Variants in STXBP5L observed in about 807,000 individuals in gnomAD.
The protein encoded by STXBP5L is syntaxin-binding protein 5-like.
STXBP5L carries 65 observed loss-of-function variants against 144.5 expected under a neutral mutation model. The ratio of observed to expected loss-of-function variants is 0.45; its 90% confidence interval spans 0.37 to 0.55. The LOEUF (loss-of-function observed/expected upper bound fraction) is 0.55, where lower values mean the gene tolerates loss of function less well. Ranked by LOEUF, STXBP5L falls within the 20% of genes least tolerant of loss-of-function variation. STXBP5L has a pLI of 0.00. For synonymous variants in STXBP5L, 505 were observed against 469.6 expected (o/e 1.08, Z -0.97); for missense variants, 1,298 against 1,405.5 (o/e 0.92, Z 1.22).
chr3:121,048,264 C>A (rs781518447), intron 5 of STXBP5L, among the ~76,000 whole-genome samples: 3 of 152,120 alleles, frequency 2.0e-5, no homozygotes, highest in Non-Finnish European at 4.4e-5. Context: ...CCCCTTCTCT[C>A]CAGTTGCCTT....
chr3:120,999,355 G>A lies in STXBP5L; in HGVS notation c.288-42345G>A, dbSNP rs201943245. Among the ~76,000 whole-genome samples, 5 of 152,126 alleles carry A rather than the reference G, an allele frequency of 3.3e-5. No individual in the cohort carries two copies. In the East Asian group the frequency reaches 5.8e-4, roughly 18 times the overall value. Reference sequence around the variant, plus strand: ...CCTTCCTTGTTACTTTTGATGTTGTGGTTTAAAGTTTGTTTTATCTGAAAT... The same window carrying A: ...CCTTCCTTGTTACTTTTGATGTTGTAGTTTAAAGTTTGTTTTATCTGAAAT... On this transcript the variant is annotated intron_variant, in intron 3 of 26. Transcript: ENST00000471454.
At chr3:120,968,609 G>C (rs901290580) in intron 3 of STXBP5L, among the ~76,000 whole-genome samples, 4 of 151,990 alleles carry the variant, frequency 2.6e-5, no homozygotes, top group African/African-American at 7.2e-5. Context: ...GGTACAGATT[G>C]TTTCTGGTTA....
Position 121,032,329 on chromosome 3 carries a change from A to G in STXBP5L, c.288-9371A>G, listed in dbSNP as rs1235359674. ...AGAATGTATCATGAAGAAAGGTTTG[A>G]TTATAAAGTCAAATATTGCAATAGG... On this transcript the variant is annotated intron_variant, in intron 3 of 26. Transcript: ENST00000471454. Among the ~76,000 whole-genome samples the G allele has an allele frequency of 3.9e-5, 6 of 152,060 alleles. No homozygotes were observed. The East Asian group carries it at 1.2e-3, about 29-fold the overall frequency.
intron 5 of STXBP5L, among the ~76,000 whole-genome samples, chr3:121,093,235 T>G (rs9758982): frequency 0.23 from 35,396 of 152,148 alleles, 4,245 homozygotes; most frequent in Non-Finnish European, 0.26. Context: ...AAAATTCTCT[T>G]TTTTGGTTTT....
At chr3:121,092,329 G>T (rs1034575326) in intron 5 of STXBP5L, among the ~76,000 whole-genome samples, 6 of 152,012 alleles carry the variant, frequency 3.9e-5, no homozygotes, top group Non-Finnish European at 8.8e-5. Flanking sequence ...TAGCTTGATG[G>T]GGATGGCATT....
At chr3:121,393,871 A>G (rs2046658392) in intron 22 of STXBP5L, among the ~76,000 whole-genome samples, 1 of 152,146 alleles carries the variant, frequency 6.6e-6, no homozygotes, top group Admixed American at 6.6e-5. Context: ...TGATACCTGC[A>G]GCTTCATTCT....
chr3:121,297,202 A>ATGTGTGTGTGTGTGTG lies in STXBP5L; in HGVS notation c.2110+17269_2110+17284dup, dbSNP rs71133526. 2.1e-3 allele frequency among the ~76,000 whole-genome samples: 309 copies of ATGTGTGTGTGTGTGTG among 148,334 alleles called. 1 individual carries two copies. Among genetic ancestry groups the ATGTGTGTGTGTGTGTG allele is most frequent in the Non-Finnish European group, 3.9e-3 (259 of 67,194 alleles). ...CAGAATCTGAATGATTCTACATTAT[A>ATGTGTGTGTGTGTGTG]TGTGTGTGTGTGTGTGTGTGTGTGT... On this transcript the variant is annotated intron_variant, in intron 19 of 26. Coordinates refer to ENST00000471454, the MANE Select transcript of STXBP5L (RefSeq NM_001308330.2).
chr3:121,420,180 G>A lies in STXBP5L; in HGVS notation c.*1083G>A, dbSNP rs1002285508. On this transcript the variant is annotated 3_prime_UTR_variant, in exon 27 of 27. Transcript: ENST00000471454. Reference sequence around the variant, plus strand: ...GTGATTCAGTAAAATCTCAGTTAATGTTTTGGGAAAGGGATTCTGATTTAT... The same window carrying A: ...GTGATTCAGTAAAATCTCAGTTAATATTTTGGGAAAGGGATTCTGATTTAT... 1 of 152,114 alleles carries A rather than the reference G, an allele frequency of 6.6e-6. No individual in the cohort carries two copies. Among genetic ancestry groups the A allele is most frequent in the African/African-American group, 2.4e-5 (1 of 41,434 alleles). 9.4% of individuals were successfully genotyped at this position (152,114 alleles called of 1,614,324 possible). A position where few individuals can be genotyped will look rare whatever the true frequency, so the allele number is the denominator to read the frequency against.
intron 20 of STXBP5L, among the ~76,000 whole-genome samples, chr3:121,329,951 A>T (rs1327410298): frequency 1.3e-5 from 2 of 152,236 alleles, no homozygotes; most frequent in Non-Finnish European, 2.9e-5. Flanking sequence ...TTAATGTAAG[A>T]CAATTGCTTT....
At chr3:121,330,534 C>T (rs2044289983) in intron 20 of STXBP5L, among the ~76,000 whole-genome samples, 1 of 152,176 alleles carries the variant, frequency 6.6e-6, no homozygotes, top group Non-Finnish European at 1.5e-5. Flanking sequence ...TATGACCCCA[C>T]TCATTGCTTG....
chr3:121,412,727 C>CAAAAAAAAAAAAAA (rs35247157), intron 23 of STXBP5L, among the ~76,000 whole-genome samples: 63 of 69,584 alleles, frequency 9.1e-4, no homozygotes, highest in Middle Eastern at 9.8e-3. Context: ...TTTCTCCCTC[C>CAAAAAAAAAAAAAA]AAAAAAAAAA....
chr3:121,191,542 G>C (rs1013971610), intron 9 of STXBP5L, among the ~76,000 whole-genome samples: 1 of 148,414 alleles, frequency 6.7e-6, no homozygotes, highest in African/African-American at 2.6e-5. Flanking sequence ...AGGGGAGAGG[G>C]AGAGGGAGAG....
chr3:121,151,912 A>G (rs1307571864), intron 7 of STXBP5L, among the ~76,000 whole-genome samples: 2 of 151,798 alleles, frequency 1.3e-5, no homozygotes, highest in African/African-American at 4.8e-5. Flanking sequence ...CTTCTATTTT[A>G]AAGAAATATT....
At position 121,257,262 on chromosome 3, in the gene STXBP5L, A is replaced by C; in HGVS notation, c.1761A>C (p.Ser587=). 3 of 1,613,902 alleles carry C rather than the reference A, an allele frequency of 1.9e-6. No homozygotes were observed. The highest frequency in any genetic ancestry group is 1.1e-5 in the South Asian group (1 of 91,042). Residue 587 remains serine (S), a synonymous_variant, in exon 17 of 27, where the codon TCA becomes TCC. Coordinates refer to ENST00000471454, the MANE Select transcript of STXBP5L (RefSeq NM_001308330.2). ...FPDLSAQLPS[S]RSLSGSTNTV... ...ATCTCTCAGCCCAGCTTCCTTCTTC[A>C]AGGAGTCTTTCTGGGAGCACTAACA...
chr3:121,216,948 C>T (rs1430595664), intron 10 of STXBP5L, among the ~76,000 whole-genome samples: 2 of 152,170 alleles, frequency 1.3e-5, no homozygotes, highest in Admixed American at 6.5e-5. Flanking sequence ...GGGCTCTGTC[C>T]AGGTCGAACT....
At chr3:121,216,424 T>C (rs1246169930) in intron 10 of STXBP5L, among the ~76,000 whole-genome samples, 1 of 152,234 alleles carries the variant, frequency 6.6e-6, no homozygotes, top group Non-Finnish European at 1.5e-5. Context: ...CAGTTTTCCT[T>C]CTAACAGTCA....
intron 12 of STXBP5L, among the ~76,000 whole-genome samples, chr3:121,238,433 A>C (rs2049553819): frequency 6.6e-6 from 1 of 152,106 alleles, no homozygotes; most frequent in Non-Finnish European, 1.5e-5. Flanking sequence ...TTCATGAAGG[A>C]TCTGCCCCAT....
chr3:121,194,340 A>T (rs1470148085), intron 9 of STXBP5L, among the ~76,000 whole-genome samples: 2 of 152,136 alleles, frequency 1.3e-5, no homozygotes, highest in Admixed American at 1.3e-4. Flanking sequence ...TTCACGATTC[A>T]TTCATGTCGT....
chr3:121,181,607 G>T (rs1334231126), intron 9 of STXBP5L, among the ~76,000 whole-genome samples: 4 of 152,100 alleles, frequency 2.6e-5, no homozygotes, highest in Non-Finnish European at 4.4e-5. Flanking sequence ...GGTCGTAGAT[G>T]CCTGTAGTCC....
Sources: gnomAD v4.1 joint callset for allele counts (sites outside exome capture counted in the v4.1 genomes callset) on GRCh38, gnomAD v4.1.1 for gene constraint, MANE v1.5 for transcripts, NCBI Gene and HGNC (gene_info 2026-07-23, HGNC 2026-07-21) for gene names.